Variants in LRRC63 observed in about 807,000 individuals in gnomAD.
LRRC63 encodes the protein leucine-rich repeat-containing protein 63.
LRRC63 carries 40 observed loss-of-function variants against 49.5 expected under a neutral mutation model. The ratio of observed to expected loss-of-function variants is 0.81; its 90% confidence interval spans 0.63 to 1.05. LRRC63 has a LOEUF of 1.05. LRRC63 is among the 50% of genes least tolerant of loss of function. The pLI, the probability that LRRC63 is intolerant of heterozygous loss-of-function variation, is 0.00. For synonymous variants in LRRC63, 191 were observed against 221.1 expected (o/e 0.86, Z 1.21); for missense variants, 636 against 663.1 (o/e 0.96, Z 0.45).
chr13:46,238,745 G>C (rs2046973787), intron 5 of LRRC63, among the ~76,000 whole-genome samples: 1 of 152,046 alleles, frequency 6.6e-6, no homozygotes, highest in East Asian at 1.9e-4. Context: ...TATTTGGGTG[G>C]GGACACAGCC....
rs2138606792 is a variant in LRRC63 at position 46,276,574 on chromosome 13, G to C, written c.1551-16G>C. On this transcript the variant is annotated splice_polypyrimidine_tract_variant and intron_variant, in intron 9 of 9. Transcript: ENST00000595396. ...AAAATTTATTAAATATTGACTTGCT[G>C]TTTCCTCCATTTCAGCACATCCAGG... The C allele has an allele frequency of 1.7e-6, 2 of 1,199,798 alleles. No homozygotes were observed. The highest frequency in any genetic ancestry group is 4.2e-5 in the Admixed American group (1 of 23,596). 74.3% of individuals were successfully genotyped at this position (1,199,798 alleles called of 1,614,324 possible).
intron 7 of LRRC63, among the ~76,000 whole-genome samples, chr13:46,252,274 A>G (rs2047403598): frequency 6.6e-6 from 1 of 152,002 alleles, no homozygotes; most frequent in East Asian, 1.9e-4. Context: ...TGCTGAGCAA[A>G]GAAGACCTCA....
intron 2 of LRRC63, among the ~76,000 whole-genome samples, chr13:46,226,254 G>T (rs2046573465): frequency 1.3e-5 from 2 of 152,116 alleles, no homozygotes. Flanking sequence ...AAAGTGCTGG[G>T]ATTACAGGCA....
At chr13:46,223,120 G>A (rs1392054908) in intron 2 of LRRC63, among the ~76,000 whole-genome samples, 1 of 149,992 alleles carries the variant, frequency 6.7e-6, no homozygotes. Context: ...TAAATGACGA[G>A]TTAATGGGTG....
At chr13:46,232,647 T>G (rs1149877) in intron 4 of LRRC63, among the ~76,000 whole-genome samples, 47,970 of 151,698 alleles carry the variant, frequency 0.32, 7,814 homozygotes, top group East Asian at 0.42. Flanking sequence ...GAGAGAAAGA[T>G]AGAGAGAGAA....
chr13:46,250,633 C>A, intron 7 of LRRC63, 142 bp downstream of exon 7: 1 of 676,336 alleles, frequency 1.5e-6, no homozygotes, highest in Non-Finnish European at 2.4e-6. Context: ...TACGCTTCTT[C>A]TTATGGTGTT....
chr13:46,255,178 T>C (rs1446038912), intron 7 of LRRC63, among the ~76,000 whole-genome samples: 1 of 152,092 alleles, frequency 6.6e-6, no homozygotes, highest in Non-Finnish European at 1.5e-5. Flanking sequence ...AGGATAAACA[T>C]TGTGTTATTG....
chr13:46,234,352 A>G lies in LRRC63; in HGVS notation c.990+3A>G, dbSNP rs1438567578. ...GGAGAAATGCACTTAATCTGAAGGTATGCTAGATCTTTTTAATGACAGTGC... is the reference window on the plus strand; with the variant it reads ...GGAGAAATGCACTTAATCTGAAGGTGTGCTAGATCTTTTTAATGACAGTGC... On this transcript the variant is annotated splice_donor_region_variant and intron_variant, in intron 5 of 9. Coordinates refer to ENST00000595396, the Ensembl canonical transcript of LRRC63. The G allele has an allele frequency of 6.3e-5, 97 of 1,548,392 alleles. No individual in the cohort carries two copies. Among genetic ancestry groups the G allele is most frequent in the Non-Finnish European group, 7.8e-5 (89 of 1,145,704 alleles).
Position 46,241,119 on chromosome 13 carries a change from A to T in LRRC63, c.991-5408A>T, listed in dbSNP as rs2138476279. 2.0e-5 allele frequency among the ~76,000 whole-genome samples: 3 copies of T among 152,302 alleles called. No homozygotes were observed. In the South Asian group the frequency reaches 6.3e-4, roughly 32 times the overall value. On this transcript the variant is annotated intron_variant, in intron 5 of 9. Coordinates refer to ENST00000595396, the Ensembl canonical transcript of LRRC63. ...GCTATAGCATGGTGCTGGTACATAA[A>T]CAAACACATAGACCAATGGAACTGA...
At chr13:46,257,373 A>G (rs1214960546) in intron 7 of LRRC63, among the ~76,000 whole-genome samples, 1 of 150,770 alleles carries the variant, frequency 6.6e-6, no homozygotes, top group Non-Finnish European at 1.5e-5. Flanking sequence ...TCTGACCTAT[A>G]TAACTATAAT....
At chr13:46,267,810 A>G (rs1461699346) in intron 9 of LRRC63, among the ~76,000 whole-genome samples, 1 of 152,194 alleles carries the variant, frequency 6.6e-6, no homozygotes, top group East Asian at 1.9e-4. Flanking sequence ...ATTATAACCT[A>G]ACTAGTGTGT....
intron 7 of LRRC63, among the ~76,000 whole-genome samples, chr13:46,252,007 A>C (rs2047396316): frequency 6.6e-6 from 1 of 151,996 alleles, no homozygotes; most frequent in African/African-American, 2.4e-5. Context: ...ATAAAGCGGC[A>C]TATTTTTATT....
intron 5 of LRRC63, among the ~76,000 whole-genome samples, chr13:46,244,016 TA>T (rs1372996014): frequency 6.6e-6 from 1 of 152,036 alleles, no homozygotes; most frequent in Non-Finnish European, 1.5e-5. Context: ...AAAAAAAAAT[TA>T]TACCAAATAG....
exon 9 of LRRC63, chr13:46,266,845 T>G (rs774777930): frequency 7.1e-6 from 11 of 1,549,970 alleles, no homozygotes; most frequent in Non-Finnish European, 9.6e-6. Context: ...TCATCCTTGT[T>G]TTTGGAGAGA....
At chr13:46,271,216 G>A (rs1416974139) in intron 9 of LRRC63, among the ~76,000 whole-genome samples, 3 of 152,144 alleles carry the variant, frequency 2.0e-5, no homozygotes, top group African/African-American at 7.2e-5. Context: ...TGTAAACCAA[G>A]GGCTAACTGT....
intron 7 of LRRC63, among the ~76,000 whole-genome samples, chr13:46,257,662 GGT>G (rs1311401004): frequency 1.3e-5 from 2 of 151,960 alleles, no homozygotes; most frequent in Non-Finnish European, 2.9e-5. Context: ...ACAAAGTGGG[GGT>G]TTGTGATGTA....
chr13:46,227,531 G>A (rs2046610926), exon 3 of LRRC63: 1 of 1,486,588 alleles, frequency 6.7e-7, no homozygotes, highest in Non-Finnish European at 8.9e-7. Context: ...GTAAAATTGA[G>A]TCACTACATG....
At chr13:46,251,311 A>G (rs1328482747) in intron 7 of LRRC63, among the ~76,000 whole-genome samples, 1 of 151,902 alleles carries the variant, frequency 6.6e-6, no homozygotes, top group Non-Finnish European at 1.5e-5. Context: ...AGAATAAGAA[A>G]TTATATTAAA....
At chr13:46,234,224 A>C in exon 5 of LRRC63, 1 of 1,550,142 alleles carries the variant, frequency 6.5e-7, no homozygotes, top group Non-Finnish European at 8.7e-7. Flanking sequence ...AGAATCAGAG[A>C]TACACGTTGT....
Sources: allele counts gnomAD v4.1 joint callset (sites outside exome capture counted in the v4.1 genomes callset), GRCh38; gene constraint gnomAD v4.1.1; transcripts MANE v1.5; gene names NCBI Gene and HGNC (gene_info 2026-07-23, HGNC 2026-07-21).